Variants in EYA4 observed in about 807,000 individuals in gnomAD.
EYA4 encodes protein phosphatase EYA4.
EYA4 carries 31 observed loss-of-function variants against 87.9 expected under a neutral mutation model. The observed-to-expected ratio is 0.35, with a 90% confidence interval of 0.27 to 0.48. The LOEUF (loss-of-function observed/expected upper bound fraction) is 0.48, where lower values mean the gene tolerates loss of function less well. Ranked by LOEUF, EYA4 falls within the 20% of genes least tolerant of loss-of-function variation. The probability of loss-of-function intolerance (pLI) is 0.99; values close to 1 mark genes in which losing one functional copy is unlikely to be tolerated. For missense variants in EYA4, 678 were observed against 761.4 expected (o/e 0.89, Z 1.29); for synonymous variants, 263 against 270.6 (o/e 0.97, Z 0.28).
At chr6:133,388,911 A>G (rs1422812358) in intron 3 of EYA4, among the ~76,000 whole-genome samples, 1 of 152,136 alleles carries the variant, frequency 6.6e-6, no homozygotes, top group Non-Finnish European at 1.5e-5. Context: ...TGTGGCCCAC[A>G]GTGCCTAGCA....
Position 133,285,206 on chromosome 6 carries a change from G to A in EYA4, c.33+10393G>A, listed in dbSNP as rs577322141. Among the ~76,000 whole-genome samples the A allele has an allele frequency of 1.1e-4, 17 of 152,100 alleles. 2 individuals are homozygous for A. Among genetic ancestry groups the A allele is most frequent in the African/African-American group, 3.6e-4 (15 of 41,508 alleles). ...AGAGACGGGGTTTCACCATGTTAGC[G>A]GGGATGGTCTCAATCTCCTGACCTT... On this transcript the variant is annotated intron_variant, in intron 2 of 19. Transcript: ENST00000355286.
chr6:133,448,896 C>G (rs567689100), intron 5 of EYA4, among the ~76,000 whole-genome samples: 3 of 152,248 alleles, frequency 2.0e-5, no homozygotes, highest in African/African-American at 7.2e-5. Flanking sequence ...GGAGCTCATG[C>G]CTATTGGAAA....
intron 3 of EYA4, among the ~76,000 whole-genome samples, chr6:133,422,757 T>TG (rs372614319): frequency 2.6e-5 from 4 of 152,328 alleles, no homozygotes; most frequent in African/African-American, 9.6e-5. Flanking sequence ...TAAACACAAT[T>TG]GGTAGAATAT....
chr6:133,411,983 A>G (rs1392894623), intron 3 of EYA4, among the ~76,000 whole-genome samples: 2 of 152,274 alleles, frequency 1.3e-5, no homozygotes, highest in African/African-American at 2.4e-5. Context: ...CATGCCTGTC[A>G]GCACCTTGTT....
chr6:133,308,219 G>A (rs1779956143), intron 2 of EYA4, among the ~76,000 whole-genome samples: 1 of 152,090 alleles, frequency 6.6e-6, no homozygotes, highest in Non-Finnish European at 1.5e-5. Flanking sequence ...TACAGCTAGT[G>A]AGTTCTAGCC....
At chr6:133,314,988 C>A (rs750159325) in intron 2 of EYA4, among the ~76,000 whole-genome samples, 1 of 152,144 alleles carries the variant, frequency 6.6e-6, no homozygotes, top group Non-Finnish European at 1.5e-5. Flanking sequence ...CTTTTCAATA[C>A]AACTTTAAGA....
At chr6:133,325,269 A>C (rs921077423) in intron 2 of EYA4, 2 of 152,186 alleles carry the variant, frequency 1.3e-5, no homozygotes, top group African/African-American at 4.8e-5. Context: ...CATCAGATGA[A>C]GTGTCCATTG....
intron 3 of EYA4, among the ~76,000 whole-genome samples, chr6:133,419,404 C>T (rs1396034110): frequency 6.6e-6 from 1 of 152,156 alleles, no homozygotes; most frequent in African/African-American, 2.4e-5. Context: ...CCTCAGGACA[C>T]GTCTTGTCTG....
Position 133,530,088 on chromosome 6 carries a change from A to T in EYA4, c.*1283A>T, listed in dbSNP as rs1364577894. ...AGGCAGTTCTCCCAGATGGTGTCTA[A>T]TGAAAGCAATGAGTCTATGAAAATT... On this transcript the variant is annotated 3_prime_UTR_variant, in exon 20 of 20. Coordinates refer to ENST00000355286, the MANE Select transcript of EYA4 (RefSeq NM_004100.5). 1.0e-6 allele frequency: 1 copy of T among 985,134 alleles called. No individual in the cohort carries two copies. The highest frequency in any genetic ancestry group is 1.2e-6 in the Non-Finnish European group (1 of 829,766). The allele number at this position is 985,134 out of a possible 1,614,324, so 61.0% of individuals were successfully genotyped here. A position where few individuals can be genotyped will look rare whatever the true frequency, so the allele number is the denominator to read the frequency against.
intron 2 of EYA4, chr6:133,363,172 C>T (rs1407925793): frequency 1.3e-5 from 2 of 152,246 alleles, no homozygotes; most frequent in Non-Finnish European, 2.9e-5. Flanking sequence ...GTTGTAGCTT[C>T]CCCTGCTGAA....
At chr6:133,490,371 G>A (rs564055988) in intron 13 of EYA4, among the ~76,000 whole-genome samples, 1 of 150,676 alleles carries the variant, frequency 6.6e-6, no homozygotes, top group Middle Eastern at 3.4e-3. Context: ...GACATAGAGT[G>A]GCTGAATAGA....
At chr6:133,508,762 A>G (rs1180395640) in intron 14 of EYA4, among the ~76,000 whole-genome samples, 1 of 152,190 alleles carries the variant, frequency 6.6e-6, no homozygotes, top group Admixed American at 6.5e-5. Flanking sequence ...TGTTGTAGTC[A>G]TGTATGGCAC....
intron 2 of EYA4, among the ~76,000 whole-genome samples, chr6:133,279,349 A>T (rs921189269): frequency 2.6e-5 from 4 of 152,200 alleles, no homozygotes; most frequent in Admixed American, 2.6e-4. Flanking sequence ...ATTCACTTAT[A>T]TTGTTGGTGG....
chr6:133,299,927 C>CTATA (rs1562263780), intron 2 of EYA4, among the ~76,000 whole-genome samples: 4 of 76,134 alleles, frequency 5.3e-5, no homozygotes, highest in African/African-American at 2.8e-4. Flanking sequence ...ATAAAGATCT[C>CTATA]TATCTATCTA....
chr6:133,481,700 A>C, intron 12 of EYA4, 101 bp downstream of exon 12: 1 of 1,354,920 alleles, frequency 7.4e-7, no homozygotes, highest in Non-Finnish European at 1.0e-6. Context: ...TTTAAAAATC[A>C]AGATATATCA....
At chr6:133,502,180 C>T (rs967503004) in intron 13 of EYA4, 5 of 151,992 alleles carry the variant, frequency 3.3e-5, no homozygotes, top group Non-Finnish European at 7.4e-5. Flanking sequence ...TCCTATTAAA[C>T]TCTGTTGTAG....
intron 16 of EYA4, among the ~76,000 whole-genome samples, chr6:133,513,361 C>T (rs1441952667): frequency 1.3e-5 from 2 of 152,070 alleles, no homozygotes; most frequent in African/African-American, 4.8e-5. Context: ...AGGAACTAAC[C>T]GAGGCAACAG....
chr6:133,290,862 T>A (rs1015347468), intron 2 of EYA4, among the ~76,000 whole-genome samples: 2 of 152,158 alleles, frequency 1.3e-5, no homozygotes, highest in Non-Finnish European at 2.9e-5. Flanking sequence ...AAGCATACTT[T>A]TGTGTAAGTT....
intron 3 of EYA4, among the ~76,000 whole-genome samples, chr6:133,398,178 C>T (rs985871076): frequency 3.3e-5 from 5 of 152,152 alleles, no homozygotes; most frequent in Non-Finnish European, 7.3e-5. Flanking sequence ...ACAGAGGAAT[C>T]GTGAAAGAAA....
Sources: allele counts gnomAD v4.1 joint callset (sites outside exome capture counted in the v4.1 genomes callset), GRCh38; gene constraint gnomAD v4.1.1; transcripts MANE v1.5; gene names NCBI Gene and HGNC (gene_info 2026-07-23, HGNC 2026-07-21).